Variants in CLSTN2 observed in about 807,000 individuals in gnomAD.
The protein encoded by CLSTN2 is calsyntenin 2, also known as calsyntenin-2.
CLSTN2 carries 48 observed loss-of-function variants against 101.2 expected under a neutral mutation model. The observed-to-expected ratio is 0.47, with a 90% confidence interval of 0.38 to 0.60. CLSTN2 has a LOEUF of 0.60. Among genes scored for constraint, CLSTN2 ranks in the 20% least tolerant of loss-of-function variants. The pLI is 0.00. For missense variants in CLSTN2, 1,160 were observed against 1,238.2 expected (o/e 0.94, Z 0.95); for synonymous variants, 481 against 463.6 (o/e 1.04, Z -0.48).
chr3:140,525,317 C>A (rs189346019), intron 8 of CLSTN2, among the ~76,000 whole-genome samples: 1 of 152,312 alleles, frequency 6.6e-6, no homozygotes, highest in Admixed American at 6.5e-5. Context: ...ATGAAAACCT[C>A]TCTGCATATA....
At chr3:140,430,800 T>C (rs2088620794) in intron 5 of CLSTN2, among the ~76,000 whole-genome samples, 1 of 152,202 alleles carries the variant, frequency 6.6e-6, no homozygotes. Flanking sequence ...TCCTGTGAGA[T>C]AAGCAATTCT....
intron 2 of CLSTN2, among the ~76,000 whole-genome samples, chr3:140,357,600 G>T (rs1443727762): frequency 6.6e-6 from 1 of 152,108 alleles, no homozygotes; most frequent in Non-Finnish European, 1.5e-5. Flanking sequence ...TCCCTTTTGT[G>T]AGGGAGGCAA....
chr3:140,469,700 C>T (rs1933790878), intron 8 of CLSTN2, among the ~76,000 whole-genome samples: 1 of 152,202 alleles, frequency 6.6e-6, no homozygotes, highest in Non-Finnish European at 1.5e-5. Flanking sequence ...TCTTACTCAT[C>T]TCCAGCTCTT....
At chr3:140,561,543 TTGA>T (rs956112380) in intron 12 of CLSTN2, among the ~76,000 whole-genome samples, 1 of 152,252 alleles carries the variant, frequency 6.6e-6, no homozygotes, top group Non-Finnish European at 1.5e-5. Flanking sequence ...TCATATTGAC[TTGA>T]TTATTAATGA....
chr3:139,951,928 G>A (rs1176153692), intron 1 of CLSTN2, among the ~76,000 whole-genome samples: 5 of 152,142 alleles, frequency 3.3e-5, no homozygotes, highest in African/African-American at 1.2e-4. Flanking sequence ...TTATAGAGGT[G>A]AGGGTTTTTA....
At chr3:140,232,504 A>G (rs1262382275) in intron 2 of CLSTN2, among the ~76,000 whole-genome samples, 2 of 151,862 alleles carry the variant, frequency 1.3e-5, no homozygotes, top group Admixed American at 6.6e-5. Flanking sequence ...GTATGATCTT[A>G]TCCCTGAGAT....
chr3:140,490,939 C>T (rs1319192598), intron 8 of CLSTN2, among the ~76,000 whole-genome samples: 1 of 152,190 alleles, frequency 6.6e-6, no homozygotes, highest in Admixed American at 6.5e-5. Context: ...TTCTGCATTT[C>T]TTCTAATAGC....
At chr3:139,999,316 G>A (rs1287008478) in intron 1 of CLSTN2, among the ~76,000 whole-genome samples, 1 of 148,172 alleles carries the variant, frequency 6.7e-6, no homozygotes, top group East Asian at 2.1e-4. Flanking sequence ...GTCCATGTGT[G>A]CTCAGTGTTT....
At chr3:139,993,369 G>A (rs1417202905) in intron 1 of CLSTN2, among the ~76,000 whole-genome samples, 1 of 152,164 alleles carries the variant, frequency 6.6e-6, no homozygotes. Context: ...AACTCAGCTT[G>A]TACTGTCGAC....
intron 1 of CLSTN2, among the ~76,000 whole-genome samples, chr3:140,168,544 C>T (rs958915507): frequency 1.3e-5 from 2 of 151,868 alleles, no homozygotes; most frequent in African/African-American, 4.8e-5. Context: ...TTTTATGGGG[C>T]ATGCTTTTTT....
At chr3:140,459,833 G>A in intron 7 of CLSTN2, 64 bp downstream of exon 7, 2 of 1,576,248 alleles carry the variant, frequency 1.3e-6, no homozygotes, top group Non-Finnish European at 1.7e-6. Context: ...TGTCACAGGT[G>A]GCTGGACATG....
chr3:140,241,904 CATATAT>C (rs755322726), intron 2 of CLSTN2, among the ~76,000 whole-genome samples: 5 of 147,410 alleles, frequency 3.4e-5, no homozygotes, highest in South Asian at 2.1e-4. Context: ...CACACACACA[CATATAT>C]ATATATATAT....
rs117844194 is a variant in CLSTN2 at position 140,167,172 on chromosome 3, G to A, written c.110-8779G>A. Among the ~76,000 whole-genome samples the A allele has an allele frequency of 5.9e-4, 90 of 152,290 alleles. No individual in the cohort carries two copies. The East Asian group carries it at 0.016, about 26-fold the overall frequency. On this transcript the variant is annotated intron_variant, in intron 1 of 16. Transcript: ENST00000458420. ...TTTCTGTACATGCCAAAAAGCACTG[G>A]GTAATGTGAATGCCGTCTCAGTCCA...
At chr3:140,326,065 C>A (rs997644944) in intron 2 of CLSTN2, among the ~76,000 whole-genome samples, 1 of 152,192 alleles carries the variant, frequency 6.6e-6, no homozygotes, top group Non-Finnish European at 1.5e-5. Flanking sequence ...GTGTTAGAAA[C>A]AAGACATACC....
At chr3:140,055,997 G>A (rs927998897) in intron 1 of CLSTN2, among the ~76,000 whole-genome samples, 2 of 152,170 alleles carry the variant, frequency 1.3e-5, no homozygotes, top group Non-Finnish European at 2.9e-5. Flanking sequence ...GAGGAGGCTG[G>A]ATTGGAGAGT....
intron 1 of CLSTN2, among the ~76,000 whole-genome samples, chr3:140,051,150 C>A (rs150171933): frequency 9.8e-4 from 150 of 152,324 alleles, no homozygotes; most frequent in African/African-American, 3.5e-3. Context: ...GCTTCCAATG[C>A]CCATTCACAG....
intron 1 of CLSTN2, among the ~76,000 whole-genome samples, chr3:140,167,029 A>C (rs2010145629): frequency 2.6e-5 from 4 of 152,212 alleles, no homozygotes; most frequent in Admixed American, 2.6e-4. Flanking sequence ...GCTATGGAAC[A>C]GATTAAATAA....
At chr3:140,035,248 C>T (rs1290656745) in intron 1 of CLSTN2, among the ~76,000 whole-genome samples, 2 of 152,118 alleles carry the variant, frequency 1.3e-5, no homozygotes, top group African/African-American at 4.8e-5. Context: ...GTCCCAAGAC[C>T]AAAAGAGAGC....
intron 2 of CLSTN2, among the ~76,000 whole-genome samples, chr3:140,275,947 G>A (rs538077488): frequency 1.9e-3 from 283 of 152,264 alleles, no homozygotes; most frequent in African/African-American, 6.7e-3. Flanking sequence ...TTGTAAGCAG[G>A]GGCATAGGGT....
Sources: allele counts gnomAD v4.1 joint callset (sites outside exome capture counted in the v4.1 genomes callset), GRCh38; gene constraint gnomAD v4.1.1; transcripts MANE v1.5; gene names NCBI Gene and HGNC (gene_info 2026-07-23, HGNC 2026-07-21).